Variants in ACIN1 observed in about 807,000 individuals in gnomAD.
The protein encoded by ACIN1 is apoptotic chromatin condensation inducer 1.
In ACIN1, 16 loss-of-function variants were observed where a neutral mutation model predicts 146.6. That is an observed-to-expected ratio of 0.11 (90% CI 0.07 to 0.17). The LOEUF (loss-of-function observed/expected upper bound fraction) is 0.17. ACIN1 is among the 10% of genes least tolerant of loss of function. ACIN1 has a pLI of 1.00. For synonymous variants in ACIN1, 569 were observed against 582.7 expected (o/e 0.98, Z 0.34); for missense variants, 1,357 against 1,609.3 (o/e 0.84, Z 2.68).
intron 16 of ACIN1, among the ~76,000 whole-genome samples, 188 bp downstream of exon 16, chr14:23,061,971 CAAAAAAAAA>C (rs57962360): frequency 3.4e-5 from 2 of 59,146 alleles, no homozygotes; most frequent in African/African-American, 7.3e-5. Flanking sequence ...GACTCTGTCT[CAAAAAAAAA>C]AAAAAAAAAA....
intron 2 of ACIN1, 72 bp from the exon 3 acceptor site, chr14:23,090,705 G>C (rs1566759253): frequency 1.2e-5 from 15 of 1,214,562 alleles, no homozygotes; most frequent in East Asian, 7.1e-5. Flanking sequence ...ACATTCCATG[G>C]AGCAAAGGTC....
rs563493086 is a variant in ACIN1, at chr14:23,068,971, C to T, written c.2265+505G>A. 4.5e-5 allele frequency: 44 copies of T among 985,612 alleles called. No homozygotes were observed. The highest frequency in any genetic ancestry group is 1.1e-4 in the East Asian group (1 of 8,820). 61.1% of individuals were successfully genotyped at this position (985,612 alleles called of 1,614,324 possible). A position where few individuals can be genotyped will look rare whatever the true frequency, so the allele number is the denominator to read the frequency against. ...CACAGGTAACTGAGAATGGGCCTTCCGGATCACAAGTGCTGGCTTCTAAGT... is the reference window on the plus strand; with the variant it reads ...CACAGGTAACTGAGAATGGGCCTTCTGGATCACAAGTGCTGGCTTCTAAGT... On this transcript the variant is annotated intron_variant, in intron 9 of 18. Transcript: ENST00000605057. This position sits in a 1 kb window ranked among gnomAD's most constrained non-coding sequence, Gnocchi z 4.3.
In ACIN1 at chr14:23,089,977, C is replaced by T. The variant is rs750947198; in HGVS notation, c.436+5G>A. 57 of 1,605,486 alleles carry T rather than the reference C, an allele frequency of 3.6e-5. No individual in the cohort carries two copies. Among genetic ancestry groups the T allele is most frequent in the East Asian group, 6.7e-5 (3 of 44,800 alleles). ...AAACAGCGCAGTGGGGAGGGAGATACGTACTGGGCGAATGTCTGCTGAGCT... is the reference window on the plus strand; with the variant it reads ...AAACAGCGCAGTGGGGAGGGAGATATGTACTGGGCGAATGTCTGCTGAGCT... On this transcript the variant is annotated splice_donor_5th_base_variant and intron_variant, in intron 4 of 18. Transcript: ENST00000605057.
intron 4 of ACIN1, among the ~76,000 whole-genome samples, chr14:23,087,192 T>G (rs927580629): frequency 1.3e-5 from 2 of 152,224 alleles, no homozygotes; most frequent in Admixed American, 1.3e-4. Context: ...ATTCTATACC[T>G]GGAAGAATCT....
rs753968914 is a variant in ACIN1 at position 23,062,949 on chromosome 14, T to C, written c.2863A>G (p.Ile955Val). The change falls in exon 14 of 19, where the codon ATT becomes GTT. Residue 955 changes from isoleucine (I) to valine (V), a missense_variant. This residue lies in a region of ACIN1 where 509 missense variants were observed against 719.6 expected (regional missense o/e 0.71). Transcript: ENST00000605057. The part of the protein sequence containing the change: ...PSPPRGKISN[I>V]VHISNLVRPF... ...CTTACCAAATTGGAGATATGGACAA[T>C]GTTGCTAATCTTGCCCCGGGGTGGG... is the stretch of plus-strand genomic sequence containing the variant. The C allele has an allele frequency of 7.5e-6, 12 of 1,609,692 alleles. No individual in the cohort carries two copies. Among genetic ancestry groups the C allele is most frequent in the South Asian group, 2.2e-5 (2 of 90,194 alleles).
intron 8 of ACIN1, chr14:23,071,228 T>TA (rs1214700033): frequency 5.2e-5 from 79 of 1,511,552 alleles, no homozygotes; most frequent in South Asian, 2.0e-4. Flanking sequence ...AAAAAAATCC[T>TA]AAAAAAAATA....
chr14:23,062,065 A>C (rs1202681528), intron 16 of ACIN1, 103 bp downstream of exon 16: 1 of 945,052 alleles, frequency 1.1e-6, no homozygotes, highest in Non-Finnish European at 1.7e-6. Context: ...AGAGAAAAGA[A>C]CAGAAGCTCA....
intron 4 of ACIN1, among the ~76,000 whole-genome samples, chr14:23,085,121 T>G (rs2048054754): frequency 6.6e-6 from 1 of 151,522 alleles, no homozygotes; most frequent in Non-Finnish European, 1.5e-5. Flanking sequence ...AGGTGGGCGA[T>G]CACGAGGTCA....
chr14:23,076,509 C>T (rs563532913), intron 8 of ACIN1: 1 of 152,302 alleles, frequency 6.6e-6, no homozygotes, highest in Admixed American at 6.5e-5. Flanking sequence ...CTCCAAGCTT[C>T]ATGTGCCCTG....
chr14:23,076,033 T>C (rs114707115), intron 8 of ACIN1, among the ~76,000 whole-genome samples: 4,207 of 152,298 alleles, frequency 0.028, 206 homozygotes, highest in African/African-American at 0.095. Flanking sequence ...TTTAGCATTG[T>C]TGATTACGCT....
In ACIN1 at chr14:23,063,032, T is replaced by C. The variant is rs764644166; in HGVS notation, c.2780A>G (p.Gln927Arg). 1.9e-6 allele frequency: 3 copies of C among 1,613,718 alleles called. No individual in the cohort carries two copies. Among genetic ancestry groups the C allele is most frequent in the African/African-American group, 1.3e-5 (1 of 74,918 alleles). ...DTLTRRSISQ[Q>R]KSGVSITIDD... ...AATGGTAATGGAAACTCCGGACTTC[T>C]GCTGGCTAATGGAACGTCGAGTTAA... Residue 927 changes from glutamine to arginine, a missense_variant, in exon 14 of 19, where the codon CAG becomes CGG. Coordinates refer to ENST00000605057, the MANE Select transcript of ACIN1 (RefSeq NM_001386863.1).
rs2295690 is a variant in ACIN1 at position 23,072,223 on chromosome 14, G to C, written c.2124-2606C>G. ...AGAGTTCTTTTTTCAAATACCAGTA[G>C]AAGGGGGGCAGGGTTGGTGTCTCTG... On this transcript the variant is annotated intron_variant, in intron 8 of 18. Transcript: ENST00000605057. Among the ~76,000 whole-genome samples the C allele has an allele frequency of 9.2e-3, 1,404 of 152,278 alleles. 15 individuals carry two copies. Among genetic ancestry groups the C allele is most frequent in the East Asian group, 0.029 (149 of 5,168 alleles).
intron 1 of ACIN1, chr14:23,094,697 A>G (rs2048325275): frequency 1.5e-6 from 1 of 654,132 alleles, no homozygotes; most frequent in Non-Finnish European, 2.4e-6. Context: ...GATACAAACA[A>G]GGAGGGGGTG....
chr14:23,082,042 G>A (rs1259859048), intron 4 of ACIN1, among the ~76,000 whole-genome samples: 1 of 152,190 alleles, frequency 6.6e-6, no homozygotes, highest in Non-Finnish European at 1.5e-5. Context: ...TTCTTGGTGT[G>A]CAAGTCTAGA....
Position 23,058,915 on chromosome 14 carries a change from C to A in ACIN1, c.*233G>T. ...ACCTCCTTGCCTAACCTAGCTCTTG[C>A]CTCTCAGACTTAATGGGAAATGAGA... On this transcript the variant is annotated 3_prime_UTR_variant, in exon 19 of 19. Transcript: ENST00000605057. The A allele has an allele frequency of 1.8e-6, 1 of 550,878 alleles. No individual in the cohort carries two copies. The highest frequency in any genetic ancestry group is 3.2e-6 in the Non-Finnish European group (1 of 309,766). The allele number at this position is 550,878 out of a possible 1,614,324, so 34.1% of individuals were successfully genotyped here. A position where few individuals can be genotyped will look rare whatever the true frequency, so the allele number is the denominator to read the frequency against.
Position 23,080,200 on chromosome 14 carries a change from C to T in ACIN1, c.1135G>A (p.Glu379Lys). ...GCTGGGCCTTCCATGGGCTCTATTT[C>T]TTCTTCGCTATGGAGCTGTGGATGA... ...PPHPQLHSEE[E>K]IEPMEGPAPA... Residue 379 changes from glutamate (E) to lysine (K), a missense_variant, in exon 6 of 19, where the codon GAA (glutamate) becomes AAA (lysine). Coordinates refer to ENST00000605057, the MANE Select transcript of ACIN1 (RefSeq NM_001386863.1). The T allele has an allele frequency of 6.2e-7, 1 of 1,614,144 alleles. No homozygotes were observed. Among genetic ancestry groups the T allele is most frequent in the South Asian group, 1.1e-5 (1 of 91,080 alleles).
At chr14:23,070,275 CCTCT>C in intron 8 of ACIN1, among the ~76,000 whole-genome samples, 1 of 152,154 alleles carries the variant, frequency 6.6e-6, no homozygotes. Context: ...CTTCAAGGAC[CCTCT>C]CTCATTCAAA....
At chr14:23,094,919 G>A in intron 1 of ACIN1, 56 bp downstream of exon 1, 1 of 1,514,324 alleles carries the variant, frequency 6.6e-7, no homozygotes, top group Admixed American at 2.0e-5. Context: ...CGCGGCAGAG[G>A]CTCGTCTCTA....
Position 23,080,680 on chromosome 14 carries a change from C to T in ACIN1, c.655G>A (p.Glu219Lys), listed in dbSNP as rs200994529. 3 of 1,613,964 alleles carry T rather than the reference C, an allele frequency of 1.9e-6. No individual in the cohort carries two copies. Among genetic ancestry groups the T allele is most frequent in the East Asian group, 4.5e-5 (2 of 44,880 alleles). Residue 219 changes from glutamate to lysine, a missense_variant, in exon 6 of 19, where the codon GAG becomes AAG. Physicochemically the swap from Glu to Lys is moderately conservative, Grantham distance 56. Transcript: ENST00000605057. ...TCTTCATCATCTTCTTCCTCCTCCT[C>T]CTCCTCCTCTTCTTCCTCCTCTGTT... Reference protein sequence around the residue: ...LKTEEEEEEEEEEEEDDEEEE... With the variant: ...LKTEEEEEEEKEEEEDDEEEE...
Sources: allele counts gnomAD v4.1 joint callset (sites outside exome capture counted in the v4.1 genomes callset), GRCh38; gene constraint gnomAD v4.1.1; regional missense constraint gnomAD v4.1.1; non-coding constraint Gnocchi (gnomAD v3.1); transcripts MANE v1.5; gene names NCBI Gene and HGNC (gene_info 2026-07-23, HGNC 2026-07-21).